The following XIRP2 variants were observed in gnomAD, a reference collection of about 807,000 sequenced individuals.
XIRP2 encodes xin actin-binding repeat-containing protein 2.
A neutral mutation model predicts 277.0 loss-of-function variants in XIRP2; 236 were observed. That is an observed-to-expected ratio of 0.85 (90% CI 0.77 to 0.95). XIRP2 has a LOEUF of 0.95. Among genes scored for constraint, XIRP2 ranks in the 40% least tolerant of loss-of-function variants. The probability of loss-of-function intolerance (pLI) is 0.00; values close to 1 mark genes in which losing one functional copy is unlikely to be tolerated. For synonymous variants in XIRP2, 1,490 were observed against 1,416.5 expected (o/e 1.05, Z -1.17); for missense variants, 4,640 against 4,157.5 (o/e 1.12, Z -3.19).
chr2:167,019,717 A>T (rs572718056), intron 2 of XIRP2, among the ~76,000 whole-genome samples: 10 of 152,088 alleles, frequency 6.6e-5, no homozygotes, highest in Non-Finnish European at 1.5e-4. Context: ...TTAACTTAAA[A>T]CATATTTTCA....
At position 167,046,940 on chromosome 2, in the gene XIRP2, A is replaced by G. The variant is rs566023773; in HGVS notation, c.409-88969A>G. Among the ~76,000 whole-genome samples the G allele has an allele frequency of 8.6e-5, 13 of 151,650 alleles. No homozygotes were observed. The South Asian group carries it at 2.7e-3, about 32-fold the overall frequency. ...CGAACATGAAATAAAAGTTGAAAGA[A>G]AAAAAAAAGAAATTTCATAAATTTT... is the stretch of plus-strand genomic sequence containing the variant. On this transcript the variant is annotated intron_variant, in intron 2 of 10. Coordinates refer to ENST00000409195, the MANE Select transcript of XIRP2 (RefSeq NM_152381.6).
At chr2:166,899,115 A>T (rs997750575) in intron 1 of XIRP2, among the ~76,000 whole-genome samples, 2 of 152,054 alleles carry the variant, frequency 1.3e-5, no homozygotes, top group African/African-American at 2.4e-5. Context: ...TGAGTTACTT[A>T]AATATTTCTT....
chr2:166,913,053 G>A (rs1292506671), intron 2 of XIRP2, among the ~76,000 whole-genome samples: 1 of 152,174 alleles, frequency 6.6e-6, no homozygotes, highest in Non-Finnish European at 1.5e-5. Flanking sequence ...CAGGGGTCAG[G>A]GACCCACTTG....
At position 167,182,343 on chromosome 2, in the gene XIRP2, C is replaced by A. The variant is rs1693039200; in HGVS notation, c.563-28392C>A. On this transcript the variant is annotated intron_variant, in intron 3 of 10. Transcript: ENST00000409195. ...AAACCTTAGATGGGCCCCATTGGGT[C>A]AGAATTACATATCAGATGACTGAAC... Among the ~76,000 whole-genome samples, 3 of 152,152 alleles carry A rather than the reference C, an allele frequency of 2.0e-5. No individual in the cohort carries two copies. In the South Asian group the frequency reaches 6.2e-4, roughly 32 times the overall value.
intron 4 of XIRP2, among the ~76,000 whole-genome samples, chr2:167,214,500 A>G (rs1433000379): frequency 6.7e-6 from 1 of 149,628 alleles, no homozygotes; most frequent in Admixed American, 6.6e-5. Flanking sequence ...AAAAAAATCA[A>G]CTGTATGAAT....
chr2:167,003,583 C>T (rs992815811), intron 2 of XIRP2, among the ~76,000 whole-genome samples: 3 of 151,770 alleles, frequency 2.0e-5, no homozygotes, highest in Admixed American at 6.6e-5. Context: ...CAGCATGTAA[C>T]TCAGTATGGT....
At chr2:167,005,910 C>T (rs947032628) in intron 2 of XIRP2, among the ~76,000 whole-genome samples, 1 of 151,746 alleles carries the variant, frequency 6.6e-6, no homozygotes, top group Non-Finnish European at 1.5e-5. Flanking sequence ...TCAGAGTATG[C>T]ATGAGGACAG....
chr2:167,240,037 C>T, intron 6 of XIRP2, 72 bp downstream of exon 6: 1 of 1,318,606 alleles, frequency 7.6e-7, no homozygotes, highest in Non-Finnish European at 1.0e-6. Flanking sequence ...TTGTTGTAAG[C>T]ATTTGCATTT....
intron 1 of XIRP2, among the ~76,000 whole-genome samples, chr2:166,890,156 G>A (rs1278864954): frequency 6.6e-6 from 1 of 151,672 alleles, no homozygotes; most frequent in Non-Finnish European, 1.5e-5. Flanking sequence ...CCACCATGCT[G>A]GCTATTTTTT....
chr2:166,938,778 C>T (rs184427985), intron 2 of XIRP2, among the ~76,000 whole-genome samples: 153 of 152,204 alleles, frequency 1.0e-3, no homozygotes, highest in African/African-American at 3.5e-3. Context: ...TCTGGGTGCT[C>T]CTGTATTGGG....
intron 2 of XIRP2, among the ~76,000 whole-genome samples, chr2:166,909,651 A>G (rs187444886): frequency 0.02 from 2,988 of 152,282 alleles, 93 homozygotes; most frequent in African/African-American, 0.067. Context: ...TTCCAACACT[A>G]TGTTGAATAG....
At chr2:167,182,973 G>A (rs1477956420) in intron 3 of XIRP2, among the ~76,000 whole-genome samples, 1 of 152,228 alleles carries the variant, frequency 6.6e-6, no homozygotes, top group Non-Finnish European at 1.5e-5. Context: ...AAATAGAAAA[G>A]GGAGTGAATT....
chr2:167,160,626 A>G (rs1383964032), intron 3 of XIRP2, among the ~76,000 whole-genome samples: 1 of 152,154 alleles, frequency 6.6e-6, no homozygotes, highest in Non-Finnish European at 1.5e-5. Flanking sequence ...TATCATGAGA[A>G]CAGCATTGGA....
chr2:167,132,337 A>G (rs1040741884), intron 2 of XIRP2, among the ~76,000 whole-genome samples: 6 of 152,144 alleles, frequency 3.9e-5, no homozygotes, highest in Non-Finnish European at 8.8e-5. Context: ...CCTGGCATCT[A>G]GTGGGTAGAG....
intron 2 of XIRP2, among the ~76,000 whole-genome samples, chr2:167,073,401 T>G (rs1356219156): frequency 2.0e-5 from 3 of 152,152 alleles, no homozygotes; most frequent in African/African-American, 7.2e-5. Context: ...AAATAAACTT[T>G]TATTCATATA....
intron 2 of XIRP2, among the ~76,000 whole-genome samples, chr2:166,947,066 A>AT (rs1685894659): frequency 6.6e-6 from 1 of 152,146 alleles, no homozygotes; most frequent in Admixed American, 6.6e-5. Context: ...AATTTTCACA[A>AT]TTTTTTCTGA....
At position 167,244,497 on chromosome 2, in the gene XIRP2, A is replaced by G. The variant is rs771494470; in HGVS notation, c.3105A>G (p.Lys1035=). The change falls in exon 9 of 11, where the codon AAA becomes AAG. Residue 1035 remains lysine, a synonymous_variant. Coordinates refer to ENST00000409195, the MANE Select transcript of XIRP2 (RefSeq NM_152381.6). ...ACCAGTTTGATGAAAGCATTCATAA[A>G]TTTCAAATAATTAGAGGAATATCTG... ...PIDQFDESIH[K]FQIIRGISAQ... is the part of the protein sequence containing the mutation. 3.1e-6 allele frequency: 5 copies of G among 1,613,716 alleles called. No homozygotes were observed. The highest frequency in any genetic ancestry group is 4.2e-6 in the Non-Finnish European group (5 of 1,179,794).
chr2:167,101,074 G>A (rs1690474202), intron 2 of XIRP2, among the ~76,000 whole-genome samples: 1 of 152,060 alleles, frequency 6.6e-6, no homozygotes, highest in African/African-American at 2.4e-5. Flanking sequence ...TTGTAAGCCT[G>A]AGAATTACCT....
chr2:166,922,121 A>ACTG (rs1403183518), intron 2 of XIRP2, among the ~76,000 whole-genome samples: 1 of 152,164 alleles, frequency 6.6e-6, no homozygotes, highest in East Asian at 1.9e-4. Context: ...CAAAGGACAA[A>ACTG]CTGTCTTCTT....
Sources: gnomAD v4.1 joint callset for allele counts (sites outside exome capture counted in the v4.1 genomes callset) on GRCh38, gnomAD v4.1.1 for gene constraint, MANE v1.5 for transcripts, NCBI Gene and HGNC (gene_info 2026-07-23, HGNC 2026-07-21) for gene names.